ACOT12: variants seen among roughly 807,000 people sequenced by gnomAD.
ACOT12 encodes acyl-CoA thioesterase 12, also known as acetyl-coenzyme A thioesterase.
In ACOT12, 51 loss-of-function variants were observed where a neutral mutation model predicts 67.7. That is an observed-to-expected ratio of 0.75 (90% CI 0.60 to 0.95). The LOEUF (loss-of-function observed/expected upper bound fraction) is 0.95. Ranked by LOEUF, ACOT12 falls within the 40% of genes least tolerant of loss-of-function variation. The probability of loss-of-function intolerance (pLI) is 0.00; values close to 1 mark genes in which losing one functional copy is unlikely to be tolerated. For synonymous variants in ACOT12, 251 were observed against 244.6 expected (o/e 1.03, Z -0.24); for missense variants, 734 against 708.1 (o/e 1.04, Z -0.41).
the ACOT12 span, among the ~76,000 whole-genome samples, chr5:81,323,908 A>G: frequency 0.17 from 25,065 of 147,122 alleles, 2,423 homozygotes; most frequent in Admixed American, 0.26. Context: ...GTATATATAC[A>G]CGTATATATA....
the ACOT12 span, among the ~76,000 whole-genome samples, chr5:81,321,497 G>C: frequency 4.9e-4 from 75 of 152,098 alleles, no homozygotes; most frequent in African/African-American, 1.7e-3. Flanking sequence ...TATATTTAAA[G>C]AAATTTTAAA....
At chr5:81,368,153 G>A (rs373047470) in intron 3 of ACOT12, among the ~76,000 whole-genome samples, 17 of 152,202 alleles carry the variant, frequency 1.1e-4, no homozygotes, top group Admixed American at 9.2e-4. Context: ...TTAGCTGGGC[G>A]TGGTGGTGCA....
downstream of ACOT12, among the ~76,000 whole-genome samples, chr5:81,329,705 G>A (rs541437086): frequency 2.6e-5 from 4 of 152,326 alleles, no homozygotes; most frequent in South Asian, 8.3e-4. Flanking sequence ...AAGTGCTAAT[G>A]TAATGGTTAT....
At chr5:81,385,141 G>A (rs1760693450) in intron 2 of ACOT12, among the ~76,000 whole-genome samples, 1 of 152,062 alleles carries the variant, frequency 6.6e-6, no homozygotes, top group African/African-American at 2.4e-5. Flanking sequence ...AGTACAGGAA[G>A]GGGATGTTAA....
In ACOT12 at chr5:81,341,640, C is replaced by T. The variant is rs187262457; in HGVS notation, c.1128+1032G>A. On this transcript the variant is annotated intron_variant, in intron 11 of 14. Transcript: ENST00000307624. ...AGCATCTCTGAAGTGCCAGGCGCTC[C>T]TATGGTCTGGGTGTAGTGGTGAGCA... 1.9e-3 allele frequency among the ~76,000 whole-genome samples: 288 copies of T among 152,266 alleles called. 1 individual carries two copies. Among genetic ancestry groups the T allele is most frequent in the Non-Finnish European group, 3.4e-3 (230 of 68,026 alleles).
the ACOT12 span, chr5:81,308,844 G>C: frequency 7.2e-7 from 1 of 1,380,996 alleles, no homozygotes; most frequent in Non-Finnish European, 9.7e-7. Flanking sequence ...TAAATTTTAA[G>C]TTATGTAAAT....
chr5:81,342,564 G>T, intron 11 of ACOT12, 108 bp downstream of exon 11: 1 of 1,121,090 alleles, frequency 8.9e-7, no homozygotes, highest in Non-Finnish European at 1.3e-6. Context: ...TTCCTCAAAA[G>T]ATTTTGTTAC....
At position 81,330,168 on chromosome 5, in the gene ACOT12, G is replaced by C; in HGVS notation, c.*226C>G. 2 of 437,532 alleles carry C rather than the reference G, an allele frequency of 4.6e-6. No homozygotes were observed. The highest frequency in any genetic ancestry group is 8.0e-6 in the Non-Finnish European group (2 of 249,450). The allele number at this position is 437,532 out of a possible 1,614,324, so 27.1% of individuals were successfully genotyped here. ...TTCCACTATCTGTGCCCCTGGAAGA[G>C]GCAGAGCCACAGATGACTTACAACA... On this transcript the variant is annotated 3_prime_UTR_variant, in exon 15 of 15. Transcript: ENST00000307624.
chr5:81,348,041 T>C (rs1161814529), intron 5 of ACOT12, 111 bp from the exon 6 acceptor site: 1 of 1,252,598 alleles, frequency 8.0e-7, no homozygotes, highest in Non-Finnish European at 1.1e-6. Flanking sequence ...AAAATTAAAG[T>C]GTTCTCAAAG....
At chr5:81,350,933 C>T (rs761996204) in intron 5 of ACOT12, among the ~76,000 whole-genome samples, 22 of 152,232 alleles carry the variant, frequency 1.4e-4, no homozygotes, top group Non-Finnish European at 1.8e-4. Flanking sequence ...TGAGCCCAAG[C>T]AGGCCCACCT....
At chr5:81,330,997 T>C in intron 13 of ACOT12, 57 bp from the exon 14 acceptor site, 1 of 1,501,556 alleles carries the variant, frequency 6.7e-7, no homozygotes, top group Non-Finnish European at 8.9e-7. Context: ...TGTTAGAAAA[T>C]AAATCCCTAT....
chr5:81,335,913 C>A lies in ACOT12; in HGVS notation c.1129-12G>T. 1.9e-6 allele frequency: 3 copies of A among 1,589,928 alleles called. No individual in the cohort carries two copies. The highest frequency in any genetic ancestry group is 2.3e-5 in the South Asian group (2 of 85,806). On this transcript the variant is annotated splice_polypyrimidine_tract_variant and intron_variant, in intron 11 of 14. Coordinates refer to ENST00000307624, the MANE Select transcript of ACOT12 (RefSeq NM_130767.3). ...GTATATATTTTTATCTAAAAGACAA[C>A]AAAAAAATTAAATTACGAAAGAAAA... is the stretch of plus-strand genomic sequence containing the variant.
At chr5:81,347,317 C>T (rs1355783448) in intron 6 of ACOT12, among the ~76,000 whole-genome samples, 2 of 152,080 alleles carry the variant, frequency 1.3e-5, no homozygotes, top group African/African-American at 4.8e-5. Context: ...TGCTATGTTT[C>T]CCAAGCTGGT....
At chr5:81,369,427 C>T (rs562002443) in intron 3 of ACOT12, among the ~76,000 whole-genome samples, 5 of 152,142 alleles carry the variant, frequency 3.3e-5, no homozygotes, top group South Asian at 2.1e-4. Flanking sequence ...AACAGGAAGA[C>T]GCTAAAGGAC....
chr5:81,309,299 A>G, the ACOT12 span: 4 of 344,534 alleles, frequency 1.2e-5, no homozygotes, highest in African/African-American at 2.1e-5. Flanking sequence ...TATGTCATAC[A>G]TTTCTACTTT....
At chr5:81,312,755 G>T in the ACOT12 span, 6 of 910,564 alleles carry the variant, frequency 6.6e-6, no homozygotes, top group Non-Finnish European at 8.8e-6. Flanking sequence ...CTGTAGCCAG[G>T]ACTATGCTGT....
the ACOT12 span, among the ~76,000 whole-genome samples, chr5:81,323,940 G>A: frequency 0.23 from 30,194 of 132,360 alleles, 3,841 homozygotes; most frequent in African/African-American, 0.37. Flanking sequence ...ACATATATGT[G>A]TATATATATA....
At chr5:81,324,772 A>G in the ACOT12 span, among the ~76,000 whole-genome samples, 1 of 152,248 alleles carries the variant, frequency 6.6e-6, no homozygotes, top group Non-Finnish European at 1.5e-5. Flanking sequence ...CAAGGAGTCA[A>G]CTTCACTGAA....
intron 3 of ACOT12, among the ~76,000 whole-genome samples, chr5:81,368,792 T>C (rs1450402349): frequency 1.3e-5 from 2 of 151,298 alleles, no homozygotes; most frequent in African/African-American, 2.4e-5. Context: ...AGAATGAGAA[T>C]AATATAATAA....
Sources: allele counts gnomAD v4.1 joint callset (sites outside exome capture counted in the v4.1 genomes callset), GRCh38; gene constraint gnomAD v4.1.1; transcripts MANE v1.5; gene names NCBI Gene and HGNC (gene_info 2026-07-23, HGNC 2026-07-21).